Variants in HS6ST3 observed in about 807,000 individuals in gnomAD.
HS6ST3 encodes the protein heparan sulfate 6-O-sulfotransferase 3.
Under a neutral mutation model 36.7 loss-of-function variants are expected in HS6ST3, and 12 were observed. That is an observed-to-expected ratio of 0.33 (90% CI 0.21 to 0.53). HS6ST3 has a LOEUF of 0.53. Ranked by LOEUF, HS6ST3 falls within the 20% of genes least tolerant of loss-of-function variation. The pLI is 0.95. For synonymous variants in HS6ST3, 240 were observed against 257.5 expected (o/e 0.93, Z 0.65); for missense variants, 584 against 640.9 (o/e 0.91, Z 0.96).
At chr13:96,417,417 T>A (rs1175774883) in intron 1 of HS6ST3, among the ~76,000 whole-genome samples, 2 of 152,142 alleles carry the variant, frequency 1.3e-5, no homozygotes, top group Non-Finnish European at 2.9e-5. Context: ...GTTTTACTGC[T>A]GATTTAGCTG....
chr13:96,676,966 G>A (rs956199544), intron 1 of HS6ST3, among the ~76,000 whole-genome samples: 8 of 152,098 alleles, frequency 5.3e-5, no homozygotes, highest in African/African-American at 1.9e-4. Flanking sequence ...GAGAGTCAAG[G>A]TCATAGTAAG....
intron 1 of HS6ST3, among the ~76,000 whole-genome samples, chr13:96,350,928 A>T (rs2055178658): frequency 6.6e-6 from 1 of 152,168 alleles, no homozygotes; most frequent in African/African-American, 2.4e-5. Flanking sequence ...TCTTAACTTA[A>T]ATATTTCAGA....
At chr13:96,207,223 T>C (rs1487031685) in intron 1 of HS6ST3, among the ~76,000 whole-genome samples, 1 of 152,164 alleles carries the variant, frequency 6.6e-6, no homozygotes, top group Non-Finnish European at 1.5e-5. Context: ...TCACTGATCA[T>C]TAGGGAAATG....
chr13:96,263,659 A>G (rs2139384442), intron 1 of HS6ST3, among the ~76,000 whole-genome samples: 2 of 152,342 alleles, frequency 1.3e-5, no homozygotes, highest in East Asian at 3.9e-4. Flanking sequence ...CATGATACAT[A>G]GTTCTTAAGT....
chr13:96,653,686 T>C (rs1371690643), intron 1 of HS6ST3, among the ~76,000 whole-genome samples: 3 of 152,184 alleles, frequency 2.0e-5, no homozygotes, highest in African/African-American at 7.2e-5. Flanking sequence ...CATGTGTCTT[T>C]ATAGCAGAAT....
intron 1 of HS6ST3, among the ~76,000 whole-genome samples, chr13:96,415,253 C>T (rs1361696974): frequency 6.6e-6 from 1 of 151,998 alleles, no homozygotes; most frequent in Non-Finnish European, 1.5e-5. Context: ...GAGTGGGAAC[C>T]TATGAGGAGA....
intron 1 of HS6ST3, among the ~76,000 whole-genome samples, chr13:96,812,753 G>A (rs1312691822): frequency 6.6e-6 from 1 of 151,794 alleles, no homozygotes; most frequent in Non-Finnish European, 1.5e-5. Flanking sequence ...TTAGATATGA[G>A]GAATTATTTT....
At chr13:96,758,232 G>C (rs1446051086) in intron 1 of HS6ST3, among the ~76,000 whole-genome samples, 1 of 151,774 alleles carries the variant, frequency 6.6e-6, no homozygotes. Context: ...CAATAAAGTT[G>C]TTCCTTTTAA....
At chr13:96,562,561 A>T (rs2056266159) in intron 1 of HS6ST3, among the ~76,000 whole-genome samples, 1 of 152,164 alleles carries the variant, frequency 6.6e-6, no homozygotes, top group Non-Finnish European at 1.5e-5. Context: ...CAGAGACAAT[A>T]TTAATAATAA....
intron 1 of HS6ST3, among the ~76,000 whole-genome samples, chr13:96,212,680 G>A (rs1433439407): frequency 6.6e-6 from 1 of 152,108 alleles, no homozygotes; most frequent in Non-Finnish European, 1.5e-5. Context: ...ACTTTCTAGA[G>A]TTTATGTTAT....
intron 1 of HS6ST3, among the ~76,000 whole-genome samples, chr13:96,697,539 A>G (rs561572858): frequency 5.7e-4 from 87 of 152,306 alleles, no homozygotes; most frequent in African/African-American, 2.0e-3. Context: ...AACACATATA[A>G]TGAATAAGAA....
chr13:96,482,857 A>G lies in HS6ST3; in HGVS notation c.708-349633A>G, dbSNP rs376076448. Among the ~76,000 whole-genome samples, 6 of 152,328 alleles carry G rather than the reference A, an allele frequency of 3.9e-5. No individual in the cohort carries two copies. The East Asian group carries it at 7.7e-4, about 20-fold the overall frequency. On this transcript the variant is annotated intron_variant, in intron 1 of 1. Transcript: ENST00000376705. ...GTTTTAAAGGTATGCCCATGCCTTTAAGTGATTAATTTTTCTGACTTCTTT... is the reference window on the plus strand; with the variant it reads ...GTTTTAAAGGTATGCCCATGCCTTTGAGTGATTAATTTTTCTGACTTCTTT...
At chr13:96,735,062 A>G (rs1014980152) in intron 1 of HS6ST3, among the ~76,000 whole-genome samples, 1 of 152,214 alleles carries the variant, frequency 6.6e-6, no homozygotes, top group Non-Finnish European at 1.5e-5. Context: ...AATTAAGAAC[A>G]TAGTATATTA....
At chr13:96,329,946 T>G (rs2055055856) in intron 1 of HS6ST3, among the ~76,000 whole-genome samples, 1 of 150,420 alleles carries the variant, frequency 6.6e-6, no homozygotes, top group Non-Finnish European at 1.5e-5. Flanking sequence ...ATGGCCTTCT[T>G]TGTCTCTTTT....
chr13:96,286,888 T>A (rs930006757), intron 1 of HS6ST3, among the ~76,000 whole-genome samples: 2 of 151,802 alleles, frequency 1.3e-5, no homozygotes, highest in African/African-American at 4.8e-5. Context: ...TTAGGTGAGG[T>A]GGTGTGTATA....
chr13:96,525,201 T>C (rs1330579224), intron 1 of HS6ST3, among the ~76,000 whole-genome samples: 2 of 152,198 alleles, frequency 1.3e-5, no homozygotes, highest in Non-Finnish European at 2.9e-5. Flanking sequence ...TCAACCTCTC[T>C]CCTCACACTA....
At chr13:96,119,130 A>G (rs1045705529) in intron 1 of HS6ST3, among the ~76,000 whole-genome samples, 2 of 152,232 alleles carry the variant, frequency 1.3e-5, no homozygotes, top group African/African-American at 4.8e-5. Context: ...AAATCAACTT[A>G]AAACCTTTAT....
Position 96,833,331 on chromosome 13 carries a change from T to C in HS6ST3, c.*133T>C. On this transcript the variant is annotated 3_prime_UTR_variant, in exon 2 of 2. Coordinates refer to ENST00000376705, the MANE Select transcript of HS6ST3 (RefSeq NM_153456.4). Reference sequence around the variant, plus strand: ...TGCTTGATTTGGACATCTTCTTCCTTCTTTGTCTTCATTTTTATCCAGCTG... The same window carrying C: ...TGCTTGATTTGGACATCTTCTTCCTCCTTTGTCTTCATTTTTATCCAGCTG... 1.5e-6 allele frequency: 1 copy of C among 658,620 alleles called. No individual in the cohort carries two copies. The highest frequency in any genetic ancestry group is 2.5e-6 in the Non-Finnish European group (1 of 398,844). 40.8% of individuals were successfully genotyped at this position (658,620 alleles called of 1,614,324 possible).
At position 96,836,166 on chromosome 13, in the gene HS6ST3, A is replaced by G. The variant is rs186849870; in HGVS notation, c.*2968A>G. 8.5e-5 allele frequency: 13 copies of G among 152,356 alleles called. No individual in the cohort carries two copies. Among genetic ancestry groups the G allele is most frequent in the Non-Finnish European group, 1.6e-4 (11 of 68,044 alleles). 9.4% of individuals were successfully genotyped at this position (152,356 alleles called of 1,614,324 possible). A position where few individuals can be genotyped will look rare whatever the true frequency, so the allele number is the denominator to read the frequency against. ...AAATCCCAAACCAAATCAACTCCAG[A>G]TATATCAGTGTCAAAAGCCCAAGAA... On this transcript the variant is annotated 3_prime_UTR_variant, in exon 2 of 2. Coordinates refer to ENST00000376705, the MANE Select transcript of HS6ST3 (RefSeq NM_153456.4).
Sources: allele counts gnomAD v4.1 joint callset (sites outside exome capture counted in the v4.1 genomes callset), GRCh38; gene constraint gnomAD v4.1.1; transcripts MANE v1.5; gene names NCBI Gene and HGNC (gene_info 2026-07-23, HGNC 2026-07-21).